Variants in GPHN observed in about 807,000 individuals in gnomAD.
GPHN encodes the protein gephyrin.
A neutral mutation model predicts 95.5 loss-of-function variants in GPHN; 17 were observed. The observed-to-expected ratio is 0.18, with a 90% confidence interval of 0.12 to 0.27. The LOEUF is 0.27. Ranked by LOEUF, GPHN falls within the 10% of genes least tolerant of loss-of-function variation. The pLI, the probability that GPHN is intolerant of heterozygous loss-of-function variation, is 1.00. For missense variants in GPHN, 660 were observed against 978.1 expected (o/e 0.67, Z 4.34); for synonymous variants, 320 against 322.5 (o/e 0.99, Z 0.08).
At chr14:67,545,335 C>T in the GPHN span, among the ~76,000 whole-genome samples, 9 of 152,186 alleles carry the variant, frequency 5.9e-5, no homozygotes, top group Middle Eastern at 0.01. Flanking sequence ...AATAACTATG[C>T]GCTCAGCTAA....
At chr14:66,625,082 T>C (rs764840912) in intron 1 of GPHN, among the ~76,000 whole-genome samples, 41 of 152,126 alleles carry the variant, frequency 2.7e-4, no homozygotes, top group African/African-American at 4.6e-4. Flanking sequence ...TGTCTTTTTT[T>C]TTCTTCTTCT....
the GPHN span, chr14:67,648,283 G>C: frequency 1.4e-6 from 2 of 1,400,002 alleles, no homozygotes; most frequent in South Asian, 1.5e-5. Flanking sequence ...CATCATTGCA[G>C]AGTTTGTTTT....
chr14:67,110,936 C>T (rs2078330122), intron 14 of GPHN, among the ~76,000 whole-genome samples: 1 of 152,124 alleles, frequency 6.6e-6, no homozygotes, highest in South Asian at 2.1e-4. Context: ...AAAATAGTGG[C>T]AGGTTATTGA....
chr14:67,474,018 C>A, the GPHN span: 8 of 1,423,836 alleles, frequency 5.6e-6, no homozygotes, highest in African/African-American at 2.9e-5. Context: ...TTTGGGAGGC[C>A]GAGGCGGCGG....
At chr14:66,954,399 G>A (rs1025214610) in intron 8 of GPHN, among the ~76,000 whole-genome samples, 14 of 152,044 alleles carry the variant, frequency 9.2e-5, no homozygotes, top group African/African-American at 3.4e-4. Context: ...TATTGTAAAT[G>A]GACTTGTTTT....
At chr14:66,862,190 A>AT (rs1182199473) in intron 4 of GPHN, among the ~76,000 whole-genome samples, 1 of 152,132 alleles carries the variant, frequency 6.6e-6, no homozygotes, top group Non-Finnish European at 1.5e-5. Context: ...TCAAATAATC[A>AT]TTAGTGGCTA....
chr14:67,256,797 G>GACACACACACACAC, the GPHN span, among the ~76,000 whole-genome samples: 1,026 of 147,762 alleles, frequency 6.9e-3, 20 homozygotes, highest in East Asian at 0.036. Context: ...AGAAACTATT[G>GACACACACACACAC]ACACACACAC....
At chr14:67,455,992 T>C in the GPHN span, among the ~76,000 whole-genome samples, 1 of 152,368 alleles carries the variant, frequency 6.6e-6, no homozygotes, top group South Asian at 2.1e-4. Context: ...AAAGAGCTTC[T>C]ACACAGCAAA....
chr14:66,883,470 T>C (rs1046622389), intron 5 of GPHN, among the ~76,000 whole-genome samples: 1 of 152,072 alleles, frequency 6.6e-6, no homozygotes, highest in Non-Finnish European at 1.5e-5. Context: ...CTTAAAATTA[T>C]TCTTCGGACA....
At chr14:67,156,102 A>G (rs1234605184) in intron 18 of GPHN, among the ~76,000 whole-genome samples, 1 of 152,194 alleles carries the variant, frequency 6.6e-6, no homozygotes, top group Non-Finnish European at 1.5e-5. Flanking sequence ...TTAAGGTGGA[A>G]GGATTATGGA....
At chr14:67,353,187 C>T in the GPHN span, 1 of 623,712 alleles carries the variant, frequency 1.6e-6, no homozygotes, top group Admixed American at 2.7e-5. Context: ...ACAGGTTTAA[C>T]TGATGCTATG....
chr14:66,548,562 C>T (rs1201320348), intron 1 of GPHN, among the ~76,000 whole-genome samples: 1 of 152,148 alleles, frequency 6.6e-6, no homozygotes, highest in South Asian at 2.1e-4. Context: ...GACTCTTCCA[C>T]CGACGAGCAG....
intron 1 of GPHN, among the ~76,000 whole-genome samples, chr14:66,522,153 A>G (rs2139821998): frequency 6.6e-6 from 1 of 151,990 alleles, no homozygotes; most frequent in East Asian, 1.9e-4. Context: ...ACAATGATTG[A>G]CCTCCACTTT....
chr14:67,019,985 G>A (rs1378605530), intron 9 of GPHN, among the ~76,000 whole-genome samples: 1 of 152,172 alleles, frequency 6.6e-6, no homozygotes, highest in Non-Finnish European at 1.5e-5. Flanking sequence ...GCTTGTGTGT[G>A]TACAAGTGGG....
chr14:67,464,868 C>G, the GPHN span, among the ~76,000 whole-genome samples: 1 of 152,216 alleles, frequency 6.6e-6, no homozygotes, highest in Non-Finnish European at 1.5e-5. Flanking sequence ...CAAGCTTCAC[C>G]CCCTGTCCTG....
At chr14:66,757,330 A>T (rs2058594176) in intron 2 of GPHN, among the ~76,000 whole-genome samples, 2 of 139,588 alleles carry the variant, frequency 1.4e-5, no homozygotes, top group South Asian at 4.5e-4. Flanking sequence ...AAAAAGGGAT[A>T]TATATATATA....
chr14:67,208,439 G>A, the GPHN span: 321 of 1,613,188 alleles, frequency 2.0e-4, no homozygotes, highest in African/African-American at 4.2e-3. Context: ...TCTCAAGGCT[G>A]AAGAATCCAG....
At chr14:66,787,858 T>TTATATATATATATATA (rs1555406304) in intron 3 of GPHN, among the ~76,000 whole-genome samples, 5 of 150,530 alleles carry the variant, frequency 3.3e-5, no homozygotes, top group African/African-American at 1.2e-4. Flanking sequence ...ATAAAAAGTA[T>TTATATATATATATATA]TATATATATA....
At chr14:67,653,368 C>T in the GPHN span, 1 of 1,404,174 alleles carries the variant, frequency 7.1e-7, no homozygotes, top group Admixed American at 1.8e-5. Context: ...CTTTGTAAGT[C>T]ACTATTTTAA....
Sources: gnomAD v4.1 joint callset for allele counts (sites outside exome capture counted in the v4.1 genomes callset) on GRCh38, gnomAD v4.1.1 for gene constraint, MANE v1.5 for transcripts, NCBI Gene and HGNC (gene_info 2026-07-23, HGNC 2026-07-21) for gene names.